Variants in EPB41L4B observed in about 807,000 individuals in gnomAD.
EPB41L4B encodes erythrocyte membrane protein band 4.1 like 4B.
A neutral mutation model predicts 112.5 loss-of-function variants in EPB41L4B; 30 were observed. That is an observed-to-expected ratio of 0.27 (90% CI 0.20 to 0.36). The LOEUF is 0.36. Among genes scored for constraint, EPB41L4B ranks in the 10% least tolerant of loss-of-function variants. The pLI is 1.00. For synonymous variants in EPB41L4B, 408 were observed against 439.7 expected, an observed-to-expected ratio of 0.93 and a Z score of 0.90; for missense variants, 1,024 against 1,133.3, an observed-to-expected ratio of 0.90 and a Z score of 1.38.
rs1203471001 is a variant in EPB41L4B, at chr9:109,226,621, TATATATATGAAGA to T, written c.1410-9489_1410-9477del. 1.6e-3 allele frequency among the ~76,000 whole-genome samples: 169 copies of T among 107,668 alleles called. 2 individuals carry two copies. The highest frequency in any genetic ancestry group is 5.4e-3 in the African/African-American group (150 of 27,996). The allele number at this position is 107,668 out of a possible 152,430, so 70.6% of individuals were successfully genotyped here. On this transcript the variant is annotated intron_variant, in intron 15 of 25. Transcript: ENST00000374566. The stretch of plus-strand genomic sequence containing the variant: ...TTTGGATTTTTCATATATATATATA[TATATATATGAAGA>T]ATATATATATATATGAAGAATATAT...
Position 109,217,162 on chromosome 9 carries a change from A to G in EPB41L4B, c.1410-17T>C, listed in dbSNP as rs778075246. On this transcript the variant is annotated splice_polypyrimidine_tract_variant and intron_variant, in intron 15 of 25. Transcript: ENST00000374566. ...AGCGGGTAGCTGTGGAGGGTGACAC[A>G]GTCAGGATTTAGAAAAGCAGAATGC... 2.5e-6 allele frequency: 4 copies of G among 1,611,878 alleles called. No individual in the cohort carries two copies. The highest frequency in any genetic ancestry group is 3.4e-6 in the Non-Finnish European group (4 of 1,178,874).
intron 20 of EPB41L4B, among the ~76,000 whole-genome samples, chr9:109,197,240 T>G (rs1588128666): frequency 6.6e-6 from 1 of 152,084 alleles, no homozygotes; most frequent in East Asian, 1.9e-4. Context: ...CTGGCCAACA[T>G]GGGGAAACCC....
chr9:109,183,707 T>C (rs1230442530), intron 23 of EPB41L4B, among the ~76,000 whole-genome samples: 1 of 152,134 alleles, frequency 6.6e-6, no homozygotes, highest in Non-Finnish European at 1.5e-5. Context: ...GGTGAATGCA[T>C]ACCATACCAC....
intron 5 of EPB41L4B, among the ~76,000 whole-genome samples, chr9:109,264,741 C>A (rs1175761675): frequency 1.3e-5 from 2 of 152,154 alleles, no homozygotes; most frequent in Non-Finnish European, 2.9e-5. Flanking sequence ...GAGAGTTATT[C>A]CCAAATACAC....
chr9:109,188,054 C>T (rs185325365), intron 22 of EPB41L4B, among the ~76,000 whole-genome samples: 3 of 152,268 alleles, frequency 2.0e-5, no homozygotes, highest in East Asian at 1.9e-4. Flanking sequence ...GTCTTTTCTG[C>T]AGGCAAGCAG....
intron 1 of EPB41L4B, among the ~76,000 whole-genome samples, chr9:109,287,113 C>T (rs1753119145): frequency 6.6e-6 from 1 of 152,118 alleles, no homozygotes; most frequent in South Asian, 2.1e-4. Context: ...AATAAGAGTA[C>T]ATAGTTGCCA....
chr9:109,227,350 T>A (rs1434192398), intron 15 of EPB41L4B, among the ~76,000 whole-genome samples: 1 of 152,110 alleles, frequency 6.6e-6, no homozygotes, highest in African/African-American at 2.4e-5. Flanking sequence ...AGAATTCAAG[T>A]TACTTCCAAA....
Position 109,213,745 on chromosome 9 carries a change from C to T in EPB41L4B, c.1707G>A (p.Val569=). 3 of 1,614,160 alleles carry T rather than the reference C, an allele frequency of 1.9e-6. No homozygotes were observed. Among genetic ancestry groups the T allele is most frequent in the Non-Finnish European group, 1.7e-6 (2 of 1,180,020 alleles). Reference sequence around the variant, plus strand: ...GAGGAGGCCAGGGTCCAGCAGCCTTCACAGTTTCCAGTTCCAGCTTCTTTA... The same window carrying T: ...GAGGAGGCCAGGGTCCAGCAGCCTTTACAGTTTCCAGTTCCAGCTTCTTTA... ...AHLKKLELET[V]KAAGPWPPLH... Residue 569 remains valine (V), a synonymous_variant, in exon 17 of 26, where the codon GTG becomes GTA. Coordinates refer to ENST00000374566, the MANE Select transcript of EPB41L4B (RefSeq NM_019114.5).
chr9:109,201,960 C>T (rs1832848086), intron 19 of EPB41L4B, among the ~76,000 whole-genome samples: 1 of 152,100 alleles, frequency 6.6e-6, no homozygotes, highest in Non-Finnish European at 1.5e-5. Flanking sequence ...AGGACAGAAG[C>T]ATCTTAGAGG....
At chr9:109,279,415 C>T in intron 2 of EPB41L4B, among the ~76,000 whole-genome samples, 1 of 152,068 alleles carries the variant, frequency 6.6e-6, no homozygotes, top group Non-Finnish European at 1.5e-5. Flanking sequence ...TGGAGTTTCA[C>T]CTTGTTGCCC....
At chr9:109,298,871 T>C (rs1329796166) in intron 1 of EPB41L4B, among the ~76,000 whole-genome samples, 1 of 152,124 alleles carries the variant, frequency 6.6e-6, no homozygotes, top group Non-Finnish European at 1.5e-5. Context: ...TCCAAAAGTA[T>C]TCTTACAAAA....
Position 109,307,232 on chromosome 9 carries a change from T to A in EPB41L4B, c.306+12909A>T, listed in dbSNP as rs1199626217. On this transcript the variant is annotated intron_variant, in intron 1 of 25. Transcript: ENST00000374566. ...AAGACAGCATTAAATTTTTCCTTTT[T>A]TTTTTTCCAGGAGCGTCTTTAATTA... 6.0e-6 allele frequency: 3 copies of A among 499,576 alleles called. No homozygotes were observed. The Admixed American group carries it at 6.2e-5, about 10-fold the overall frequency. 30.9% of individuals were successfully genotyped at this position (499,576 alleles called of 1,614,324 possible).
chr9:109,244,432 GTCTTTTT>G, intron 14 of EPB41L4B, among the ~76,000 whole-genome samples: 1 of 99,220 alleles, frequency 1.0e-5, no homozygotes, highest in Non-Finnish European at 1.9e-5. Flanking sequence ...GTTGAAGGTT[GTCTTTTT>G]TTTTTTTTTT....
chr9:109,202,191 G>T lies in EPB41L4B; in HGVS notation c.1946+1472C>A, dbSNP rs112648702. Among the ~76,000 whole-genome samples the T allele has an allele frequency of 1.3e-4, 20 of 152,298 alleles. 1 individual carries two copies. The highest frequency in any genetic ancestry group is 4.8e-4 in the African/African-American group (20 of 41,558). ...GACTAAGAATGGAATCCAGGTGAAG[G>T]TTAGTGGGGTGGAGTGGGAAGAGAT... is the stretch of plus-strand genomic sequence containing the variant. On this transcript the variant is annotated intron_variant, in intron 19 of 25. Transcript: ENST00000374566.
chr9:109,319,903 C>G (rs759354015), intron 1 of EPB41L4B, among the ~76,000 whole-genome samples: 6 of 152,076 alleles, frequency 3.9e-5, no homozygotes, highest in Non-Finnish European at 7.4e-5. Context: ...CCAGAGAAAT[C>G]GCAACCCCGC....
chr9:109,279,993 A>G (rs1835975185), intron 1 of EPB41L4B, 72 bp from the exon 2 acceptor site: 7 of 1,178,194 alleles, frequency 5.9e-6, no homozygotes, highest in Non-Finnish European at 8.5e-6. Flanking sequence ...GTTAAAAAAA[A>G]CCTACTTCTC....
intron 1 of EPB41L4B, among the ~76,000 whole-genome samples, chr9:109,303,189 A>C (rs999438634): frequency 6.6e-6 from 1 of 152,132 alleles, no homozygotes; most frequent in Non-Finnish European, 1.5e-5. Context: ...CTTAGAAAAA[A>C]AGAGGCAAGA....
In EPB41L4B at chr9:109,248,952, G is replaced by A. The variant is rs377421157; in HGVS notation, c.1311-1163C>T. Among the ~76,000 whole-genome samples the A allele has an allele frequency of 1.1e-4, 17 of 151,640 alleles. No individual in the cohort carries two copies. The East Asian group carries it at 2.5e-3, about 22-fold the overall frequency. ...CGGGCACCTGTAGTCCCAGCTACTCGGGAGGCTGAGGCAGGAGAACGGCGT... is the reference window on the plus strand; with the variant it reads ...CGGGCACCTGTAGTCCCAGCTACTCAGGAGGCTGAGGCAGGAGAACGGCGT... On this transcript the variant is annotated intron_variant, in intron 13 of 25. Coordinates refer to ENST00000374566, the MANE Select transcript of EPB41L4B (RefSeq NM_019114.5).
chr9:109,307,648 G>A (rs778781846), intron 1 of EPB41L4B, among the ~76,000 whole-genome samples: 28 of 152,184 alleles, frequency 1.8e-4, no homozygotes, highest in African/African-American at 5.8e-4. Flanking sequence ...GACTCCAGTC[G>A]GTGAAATGCC....
Sources: allele counts gnomAD v4.1 joint callset (sites outside exome capture counted in the v4.1 genomes callset), GRCh38; gene constraint gnomAD v4.1.1; transcripts MANE v1.5; gene names NCBI Gene and HGNC (gene_info 2026-07-23, HGNC 2026-07-21).